Variants in DISP1 observed in about 807,000 individuals in gnomAD.
The protein encoded by DISP1 is protein dispatched homolog 1.
In DISP1, 30 loss-of-function variants were observed where a neutral mutation model predicts 37.3. The observed-to-expected ratio is 0.80, with a 90% CI of 0.60 to 1.09. The LOEUF (loss-of-function observed/expected upper bound fraction) is 1.09. Among genes scored for constraint, DISP1 ranks in the 50% least tolerant of loss-of-function variants. DISP1 has a pLI of 0.00. For synonymous variants in DISP1, 634 were observed against 690.2 expected (o/e 0.92, Z 1.28); for missense variants, 1,598 against 1,879.5 (o/e 0.85, Z 2.77).
intron 8 of DISP1, among the ~76,000 whole-genome samples, 178 bp downstream of exon 8, chr1:222,995,160 G>A (rs574148351): frequency 4.6e-5 from 7 of 152,154 alleles, no homozygotes; most frequent in African/African-American, 1.2e-4. Flanking sequence ...CAAAGTGTCC[G>A]TGTTTCCTTC....
At chr1:222,850,431 T>TC (rs398103741) in intron 1 of DISP1, among the ~76,000 whole-genome samples, 3 of 152,124 alleles carry the variant, frequency 2.0e-5, no homozygotes, top group Non-Finnish European at 2.9e-5. Context: ...ACTTTTTTTT[T>TC]CCCACTGTAT....
At chr1:222,857,078 G>A (rs557915169) in intron 1 of DISP1, among the ~76,000 whole-genome samples, 4 of 152,106 alleles carry the variant, frequency 2.6e-5, no homozygotes, top group East Asian at 1.9e-4. Context: ...CTTCAAATCC[G>A]ACCAGAATGG....
intron 1 of DISP1, among the ~76,000 whole-genome samples, chr1:222,885,393 A>G (rs934363115): frequency 2.6e-5 from 4 of 151,904 alleles, no homozygotes; most frequent in African/African-American, 9.7e-5. Flanking sequence ...ACTTTGAAGT[A>G]CCACAAGATA....
intron 1 of DISP1, among the ~76,000 whole-genome samples, chr1:222,889,585 C>T (rs1402832061): frequency 1.3e-5 from 2 of 150,106 alleles, no homozygotes; most frequent in South Asian, 2.1e-4. Flanking sequence ...CACAGAGCCA[C>T]GTTTTATTAT....
chr1:222,991,966 G>A, intron 6 of DISP1, 47 bp from the exon 7 acceptor site: 1 of 1,461,334 alleles, frequency 6.8e-7, no homozygotes, highest in Non-Finnish European at 9.6e-7. Flanking sequence ...TATCAGCTTT[G>A]AAATAACGAG....
intron 1 of DISP1, among the ~76,000 whole-genome samples, chr1:222,896,690 C>T (rs1671281376): frequency 6.6e-6 from 1 of 151,530 alleles, no homozygotes; most frequent in African/African-American, 2.4e-5. Flanking sequence ...GGGCTTGTAT[C>T]TAGAATGTTA....
intron 1 of DISP1, among the ~76,000 whole-genome samples, chr1:222,914,706 C>T (rs1339121288): frequency 6.6e-6 from 1 of 152,134 alleles, no homozygotes; most frequent in Non-Finnish European, 1.5e-5. Context: ...CACCTATAAT[C>T]CCAGCAATCT....
intron 3 of DISP1, among the ~76,000 whole-genome samples, chr1:222,947,393 TATTTTATCATTTTATCAGTTAC>T (rs1424554927): frequency 1.3e-5 from 2 of 152,152 alleles, no homozygotes; most frequent in Non-Finnish European, 1.5e-5. Context: ...TTATATATTA[TATTTTATCATTTTATCAGTTAC>T]ATTTTATCAT....
chr1:222,885,694 T>A (rs1670554424), intron 1 of DISP1, among the ~76,000 whole-genome samples: 1 of 152,104 alleles, frequency 6.6e-6, no homozygotes, highest in Admixed American at 6.6e-5. Flanking sequence ...GGGCTCCTGG[T>A]TTCTTTTATT....
intron 1 of DISP1, among the ~76,000 whole-genome samples, chr1:222,854,682 G>T (rs1383817528): frequency 6.6e-6 from 1 of 151,338 alleles, no homozygotes; most frequent in Non-Finnish European, 1.5e-5. Context: ...GAGTTGCAGT[G>T]TTCTCCTTTC....
rs754305951 is a variant in DISP1, at chr1:223,005,085, C to T, written c.3688C>T (p.Pro1230Ser). 27 of 1,614,026 alleles carry T rather than the reference C, an allele frequency of 1.7e-5. No homozygotes were observed. In the Admixed American group the frequency reaches 3.0e-4, roughly 18 times the overall value. ...CAGCCAAGCAAAGAATTTAGGGATG[C>T]CTGTGCATGCAGCTTACAACAGTGA... ...FNSQAKNLGM[P>S]VHAAYNSELS... is the part of the protein sequence containing the mutation. Residue 1230 changes from proline to serine, a missense_variant, in exon 9 of 9, where the codon CCT (proline) becomes TCT (serine). Transcript: ENST00000675850.
intron 1 of DISP1, among the ~76,000 whole-genome samples, chr1:222,917,570 G>A (rs897782265): frequency 2.0e-5 from 3 of 152,166 alleles, no homozygotes; most frequent in African/African-American, 2.4e-5. Flanking sequence ...TCTCTTTTCT[G>A]TTTGGAATTT....
rs369354573 is a variant in DISP1, at chr1:222,942,827, G to A, written c.4G>A (p.Ala2Thr). The part of the protein sequence containing the change: M[A>T]MSNGNNDFVV... ...CTTAGAGTCAAGAAATTGGAGCATG[G>A]CTATGAGCAATGGAAACAATGATTT... Residue 2 changes from alanine (A) to threonine (T), a missense_variant, in exon 3 of 9, where the codon GCT becomes ACT. By Grantham distance (58) the Ala-to-Thr change is moderately conservative. Coordinates refer to ENST00000675850, the MANE Select transcript of DISP1 (RefSeq NM_001377229.1). The A allele has an allele frequency of 6.2e-6, 10 of 1,613,980 alleles. No individual in the cohort carries two copies. Among genetic ancestry groups the A allele is most frequent in the South Asian group, 2.2e-5 (2 of 91,082 alleles).
chr1:222,876,844 C>T (rs1669998164), intron 1 of DISP1, among the ~76,000 whole-genome samples: 1 of 151,966 alleles, frequency 6.6e-6, no homozygotes, highest in South Asian at 2.1e-4. Flanking sequence ...TGGGGAAACT[C>T]CATTGTACTT....
intron 1 of DISP1, among the ~76,000 whole-genome samples, chr1:222,887,486 G>GTTTTTTTTTTTTTTTTTTTTTTTTT (rs940346379): frequency 1.2e-5 from 1 of 83,100 alleles, no homozygotes; most frequent in Non-Finnish European, 2.3e-5. Context: ...CATTGTTTTT[G>GTTTTTTTTTTTTTTTTTTTTTTTTT]TTTTTTTTTT....
chr1:222,996,788 G>A (rs1239890071), intron 8 of DISP1, among the ~76,000 whole-genome samples: 4 of 152,042 alleles, frequency 2.6e-5, no homozygotes, highest in South Asian at 2.1e-4. Context: ...TACCCACCCT[G>A]CTTTATGCTT....
chr1:222,916,317 C>T (rs562415936), intron 1 of DISP1, among the ~76,000 whole-genome samples: 10 of 152,192 alleles, frequency 6.6e-5, no homozygotes, highest in South Asian at 2.1e-4. Context: ...CTTCACAATA[C>T]GAACTGGAGC....
At chr1:222,918,939 T>C (rs1272795745) in intron 1 of DISP1, among the ~76,000 whole-genome samples, 1 of 152,164 alleles carries the variant, frequency 6.6e-6, no homozygotes, top group African/African-American at 2.4e-5. Context: ...TTTACTAATG[T>C]GGGTATGAGG....
At chr1:222,826,150 C>T (rs753393157) in intron 1 of DISP1, among the ~76,000 whole-genome samples, 5 of 151,938 alleles carry the variant, frequency 3.3e-5, no homozygotes, top group East Asian at 3.9e-4. Context: ...GCTGTCCTCC[C>T]GTCTTGGCCT....
Sources: gnomAD v4.1 joint callset for allele counts (sites outside exome capture counted in the v4.1 genomes callset) on GRCh38, gnomAD v4.1.1 for gene constraint, MANE v1.5 for transcripts, NCBI Gene and HGNC (gene_info 2026-07-23, HGNC 2026-07-21) for gene names.